CYP2B6: variants seen among roughly 807,000 people sequenced by gnomAD.
The protein encoded by CYP2B6 is cytochrome P450 2B6.
CYP2B6 carries 35 observed loss-of-function variants against 43.4 expected under a neutral mutation model. That is an observed-to-expected ratio of 0.81 (90% CI 0.62 to 1.07). The LOEUF (loss-of-function observed/expected upper bound fraction) is 1.07, where lower values mean the gene tolerates loss of function less well. Ranked by LOEUF, CYP2B6 falls within the 50% of genes least tolerant of loss-of-function variation. CYP2B6 has a pLI of 0.00. For synonymous variants in CYP2B6, 239 were observed against 239.2 expected, an observed-to-expected ratio of 1.00 and a Z score of 0.01; for missense variants, 624 against 632.8, an observed-to-expected ratio of 0.99 and a Z score of 0.15.
chr19:41,009,182 G>A (rs762239446), intron 4 of CYP2B6, 37 bp from the exon 5 acceptor site: 3 of 1,582,494 alleles, frequency 1.9e-6, no homozygotes, highest in South Asian at 1.1e-5. Flanking sequence ...TGCTAGCTCA[G>A]CCCTAGGCAA....
Position 41,016,844 on chromosome 19 carries a change from G to A in CYP2B6, c.*17G>A. On this transcript the variant is annotated 3_prime_UTR_variant, in exon 9 of 9. Coordinates refer to ENST00000324071, the MANE Select transcript of CYP2B6 (RefSeq NM_000767.5). ...CCCCGCTGAAGGGGCTGAGGGAAGG[G>A]GGTCAAAGGATTCCAGGGTCATTCA... The A allele has an allele frequency of 6.2e-7, 1 of 1,612,004 alleles. No homozygotes were observed. The highest frequency in any genetic ancestry group is 8.5e-7 in the Non-Finnish European group (1 of 1,178,890).
Position 41,004,398 on chromosome 19 carries a change from A to G in CYP2B6, c.436A>G (p.Ile146Val). The change falls in exon 3 of 9, where the codon ATT becomes GTT. Residue 146 changes from isoleucine (I) to valine (V), a missense_variant. By Grantham distance (29) the Ile-to-Val change is conservative. Transcript: ENST00000324071. ...GMGKRSVEER[I>V]QEEAQCLIEE... is the part of the protein sequence containing the mutation. Reference sequence around the variant, plus strand: ...GGGAAAGCGGAGTGTGGAGGAGCGGATTCAGGAGGAGGCTCAGTGTCTGAT... The same window carrying G: ...GGGAAAGCGGAGTGTGGAGGAGCGGGTTCAGGAGGAGGCTCAGTGTCTGAT... The G allele has an allele frequency of 6.2e-7, 1 of 1,613,954 alleles. No homozygotes were observed. The highest frequency in any genetic ancestry group is 8.5e-7 in the Non-Finnish European group (1 of 1,179,978).
At chr19:41,001,550 C>T (rs1291707639) in intron 1 of CYP2B6, among the ~76,000 whole-genome samples, 2 of 152,060 alleles carry the variant, frequency 1.3e-5, no homozygotes, top group South Asian at 4.1e-4. Context: ...TTTTCTCTTC[C>T]GTCAGTTAAG....
Position 41,017,056 on chromosome 19 carries a change from T to A in CYP2B6, c.*229T>A. Reference sequence around the variant, plus strand: ...ATCATATATATATATATGTTCTTGTTTTTTGAGACAGAGTCTCACACTGTT... The same window carrying A: ...ATCATATATATATATATGTTCTTGTATTTTGAGACAGAGTCTCACACTGTT... On this transcript the variant is annotated 3_prime_UTR_variant, in exon 9 of 9. Coordinates refer to ENST00000324071, the MANE Select transcript of CYP2B6 (RefSeq NM_000767.5). 2.7e-6 allele frequency: 1 copy of A among 369,532 alleles called. No individual in the cohort carries two copies. Among genetic ancestry groups the A allele is most frequent in the Admixed American group, 4.1e-5 (1 of 24,666 alleles). The allele number at this position is 369,532 out of a possible 1,614,324, so 22.9% of individuals were successfully genotyped here.
Position 41,016,399 on chromosome 19 carries a change from CAAAAAAAAAAAA to C in CYP2B6, c.1295-223_1295-212del, listed in dbSNP as rs869180190. Reference sequence around the variant, plus strand: ...TGGGTGACAAAGAGAGACTCCATCTCAAAAAAAAAAAAAAAAAAAAAAAAAAAAAAAAAAAGA... The same window carrying C: ...TGGGTGACAAAGAGAGACTCCATCTCAAAAAAAAAAAAAAAAAAAAAAAGA... On this transcript the variant is annotated intron_variant, in intron 8 of 8. Coordinates refer to ENST00000324071, the MANE Select transcript of CYP2B6 (RefSeq NM_000767.5). 3.1e-3 allele frequency among the ~76,000 whole-genome samples: 242 copies of C among 76,876 alleles called. 2 individuals carry two copies. Among genetic ancestry groups the C allele is most frequent in the African/African-American group, 9.3e-3 (220 of 23,782 alleles). 50.4% of individuals were successfully genotyped at this position (76,876 alleles called of 152,430 possible).
At chr19:41,002,912 C>T (rs550502319) in intron 1 of CYP2B6, among the ~76,000 whole-genome samples, 1 of 152,246 alleles carries the variant, frequency 6.6e-6, no homozygotes, top group African/African-American at 2.4e-5. Flanking sequence ...GTTGCTTCCA[C>T]TCAACATTAT....
rs764884197 is a variant in CYP2B6, at chr19:41,012,675, A to G, written c.1154A>G (p.Asp385Gly). The change falls in exon 8 of 9, where the codon GAC (aspartate) becomes GGC (glycine). Residue 385 changes from aspartate to glycine, a missense_variant and splice_region_variant. Asp to Gly is a moderately conservative substitution (Grantham distance 94, BLOSUM62 -1). Transcript: ENST00000324071. The stretch of plus-strand genomic sequence containing the variant: ...TTTGATCTTGTGATCCTCCCTCAGG[A>G]CACAGAAGTATTTCTCATCCTGAGC... ...TSFRGYIIPKDTEVFLILSTA... is the reference protein window; with the variant it reads ...TSFRGYIIPKGTEVFLILSTA... The G allele has an allele frequency of 2.5e-5, 40 of 1,613,808 alleles. No individual in the cohort carries two copies. Among genetic ancestry groups the G allele is most frequent in the Non-Finnish European group, 6.8e-6 (8 of 1,179,968 alleles).
In CYP2B6 at chr19:41,016,781, T is replaced by C; in HGVS notation, c.1430T>C (p.Val477Ala). Residue 477 changes from valine (V) to alanine (A), a missense_variant, in exon 9 of 9, where the codon GTG (valine) becomes GCG (alanine). Transcript: ENST00000324071. ...GATCTGACACCCCAGGAGTGTGGTG[T>C]GGGCAAAATACCCCCAACATACCAG... is the stretch of plus-strand genomic sequence containing the variant. ...DIDLTPQECG[V>A]GKIPPTYQIR... is the part of the protein sequence containing the mutation. 1 of 1,614,122 alleles carries C rather than the reference T, an allele frequency of 6.2e-7. No individual in the cohort carries two copies. The highest frequency in any genetic ancestry group is 8.5e-7 in the Non-Finnish European group (1 of 1,180,012).
chr19:40,997,928 G>A (rs1009844156), intron 1 of CYP2B6, among the ~76,000 whole-genome samples: 10 of 151,914 alleles, frequency 6.6e-5, no homozygotes, highest in Non-Finnish European at 1.2e-4. Flanking sequence ...AACAAGACCT[G>A]GCTCTACAAA....
At chr19:41,004,937 C>G (rs1237524472) in intron 3 of CYP2B6, among the ~76,000 whole-genome samples, 2 of 151,984 alleles carry the variant, frequency 1.3e-5, no homozygotes, top group African/African-American at 4.8e-5. Context: ...GTTGAGGTTG[C>G]AGTGAGCTGT....
At chr19:41,009,922 G>A (rs1383683790) in intron 5 of CYP2B6, 72 bp from the exon 6 acceptor site, 1 of 1,597,936 alleles carries the variant, frequency 6.3e-7, no homozygotes, top group Non-Finnish European at 8.6e-7. Flanking sequence ...GGGCAGCCAG[G>A]GAGATGGGCG....
At chr19:41,010,690 A>G (rs1334650052) in intron 6 of CYP2B6, among the ~76,000 whole-genome samples, 1 of 152,018 alleles carries the variant, frequency 6.6e-6, no homozygotes, top group Admixed American at 6.5e-5. Flanking sequence ...GTTTTGTTAC[A>G]TGCGTAGGTT....
At chr19:40,999,312 T>C (rs1207339670) in intron 1 of CYP2B6, among the ~76,000 whole-genome samples, 6 of 152,082 alleles carry the variant, frequency 3.9e-5, no homozygotes, top group Non-Finnish European at 7.4e-5. Flanking sequence ...TTGTAGATTC[T>C]GGATATTAGC....
chr19:40,997,891 G>A (rs1214759805), intron 1 of CYP2B6, among the ~76,000 whole-genome samples: 1 of 152,060 alleles, frequency 6.6e-6, no homozygotes, highest in Non-Finnish European at 1.5e-5. Flanking sequence ...CTTGAAGCCA[G>A]GAGTTAGAAA....
chr19:41,012,394 A>G lies in CYP2B6; in HGVS notation c.1061A>G (p.Tyr354Cys), dbSNP rs780991919. 38 of 1,614,024 alleles carry G rather than the reference A, an allele frequency of 2.4e-5. No individual in the cohort carries two copies. Among genetic ancestry groups the G allele is most frequent in the African/African-American group, 1.5e-4 (11 of 75,028 alleles). ...ATGCCATACACAGAGGCAGTCATCTATGAGATTCAGAGATTTTCCGACCTT... is the reference window on the plus strand; with the variant it reads ...ATGCCATACACAGAGGCAGTCATCTGTGAGATTCAGAGATTTTCCGACCTT... The part of the protein sequence containing the change: ...AKMPYTEAVI[Y>C]EIQRFSDLLP... The change falls in exon 7 of 9, where the codon TAT (tyrosine) becomes TGT (cysteine). Residue 354 changes from tyrosine to cysteine, a missense_variant. By Grantham distance (194) the Tyr-to-Cys change is radical. Coordinates refer to ENST00000324071, the MANE Select transcript of CYP2B6 (RefSeq NM_000767.5).
At position 41,009,269 on chromosome 19, in the gene CYP2B6, G is replaced by C; in HGVS notation, c.696G>C (p.Arg232Ser). 1.2e-6 allele frequency: 2 copies of C among 1,612,966 alleles called. No individual in the cohort carries two copies. The highest frequency in any genetic ancestry group is 2.7e-5 in the African/African-American group (2 of 74,782). ...TGAAATACTTTCCTGGGGCACACAG[G>C]CAAGTTTACAAAAACCTGCAGGAAA... Reference protein sequence around the residue: ...GFLKYFPGAHRQVYKNLQEIN... With the variant: ...GFLKYFPGAHSQVYKNLQEIN... Residue 232 changes from arginine to serine, a missense_variant, in exon 5 of 9, where the codon AGG becomes AGC. Physicochemically the swap from Arg to Ser is moderately radical, Grantham distance 110. Coordinates refer to ENST00000324071, the MANE Select transcript of CYP2B6 (RefSeq NM_000767.5).
rs555774283 is a variant in CYP2B6 at position 41,004,022 on chromosome 19, G to A, written c.193G>A (p.Val65Ile). Residue 65 changes from valine (V) to isoleucine (I), a missense_variant, in exon 2 of 9, where the codon GTC becomes ATC. Val to Ile is a conservative substitution (Grantham distance 29). Coordinates refer to ENST00000324071, the MANE Select transcript of CYP2B6 (RefSeq NM_000767.5). ...GCAGTTCCGAGAGAAATATGGGGAC[G>A]TCTTCACGGTACACCTGGGACCGAG... The part of the protein sequence containing the change: ...FLRFREKYGD[V>I]FTVHLGPRPV... 9.9e-5 allele frequency: 159 copies of A among 1,613,270 alleles called. No homozygotes were observed. Among genetic ancestry groups the A allele is most frequent in the Middle Eastern group, 1.6e-4 (1 of 6,062 alleles).
Position 41,016,833 on chromosome 19 carries a change from C to T in CYP2B6, c.*6C>T. ...TCCGCTTCCTGCCCCGCTGAAGGGG[C>T]TGAGGGAAGGGGGTCAAAGGATTCC... On this transcript the variant is annotated 3_prime_UTR_variant, in exon 9 of 9. Coordinates refer to ENST00000324071, the MANE Select transcript of CYP2B6 (RefSeq NM_000767.5). 6 of 1,613,448 alleles carry T rather than the reference C, an allele frequency of 3.7e-6. No homozygotes were observed. Among genetic ancestry groups the T allele is most frequent in the African/African-American group, 1.3e-5 (1 of 75,020 alleles).
rs1252848707 is a variant in CYP2B6, at chr19:40,991,464, A to G, written c.159A>G (p.Lys53=). The G allele has an allele frequency of 6.2e-7, 1 of 1,613,752 alleles. No homozygotes were observed. The highest frequency in any genetic ancestry group is 1.3e-5 in the African/African-American group (1 of 74,914). Residue 53 remains lysine (K), a synonymous_variant, in exon 1 of 9, where the codon AAA becomes AAG. Transcript: ENST00000324071. Reference sequence around the variant, plus strand: ...AGATGGATAGAAGAGGCCTACTCAAATCCTTTCTGAGGGTAAGACACAGAC... The same window carrying G: ...AGATGGATAGAAGAGGCCTACTCAAGTCCTTTCTGAGGGTAAGACACAGAC... The part of the protein sequence containing the change: ...LLQMDRRGLL[K]SFLRFREKYG...
Sources: allele counts gnomAD v4.1 joint callset (sites outside exome capture counted in the v4.1 genomes callset), GRCh38; gene constraint gnomAD v4.1.1; transcripts MANE v1.5; gene names NCBI Gene and HGNC (gene_info 2026-07-23, HGNC 2026-07-21).